The following CNP variants were observed in gnomAD, a reference collection of about 807,000 sequenced individuals.
CNP encodes the protein 2',3'-cyclic nucleotide 3' phosphodiesterase.
CNP carries 8 observed loss-of-function variants against 37.9 expected under a neutral mutation model. The observed-to-expected ratio is 0.21, with a 90% CI of 0.12 to 0.38. CNP has a LOEUF of 0.38. Ranked by LOEUF, CNP falls within the 10% of genes least tolerant of loss-of-function variation. The probability of loss-of-function intolerance (pLI) is 1.00; values close to 1 mark genes in which losing one functional copy is unlikely to be tolerated. For missense variants in CNP, 457 were observed against 551.0 expected (o/e 0.83, Z 1.71); for synonymous variants, 237 against 238.3 (o/e 0.99, Z 0.05).
At position 41,977,078 on chromosome 17, in the gene CNP, A is replaced by G; in HGVS notation, c.*3154A>G. ...TGCGGTGGCTAAAGGTCCCAAGGCA[A>G]GGGGTGCCTGGGAACCTTCCTGTCT... On this transcript the variant is annotated 3_prime_UTR_variant, in exon 4 of 4. Transcript: ENST00000393892. 1 of 695,892 alleles carries G rather than the reference A, an allele frequency of 1.4e-6. No individual in the cohort carries two copies. Among genetic ancestry groups the G allele is most frequent in the South Asian group, 1.9e-5 (1 of 51,724 alleles). The allele number at this position is 695,892 out of a possible 1,614,324, so 43.1% of individuals were successfully genotyped here. A position where few individuals can be genotyped will look rare whatever the true frequency, so the allele number is the denominator to read the frequency against.
chr17:41,973,352 C>T (rs2051019186), intron 3 of CNP, 123 bp from the exon 4 acceptor site: 3 of 918,002 alleles, frequency 3.3e-6, no homozygotes, highest in African/African-American at 3.3e-5. Context: ...CCGACCCCTG[C>T]TCAGCTGTGC....
At chr17:41,972,339 T>C (rs2051002372) in intron 3 of CNP, among the ~76,000 whole-genome samples, 1 of 152,032 alleles carries the variant, frequency 6.6e-6, no homozygotes, top group Non-Finnish European at 1.5e-5. Context: ...CTGGTCTCTC[T>C]GAGCCTGTTT....
Position 41,975,710 on chromosome 17 carries a change from G to T in CNP, c.*1786G>T, listed in dbSNP as rs2051066147. The stretch of plus-strand genomic sequence containing the variant: ...CCAGCCGGGGAAGACTTGAAAGAAA[G>T]GGGCAGGAGCTCAGATGAAGAGAAA... On this transcript the variant is annotated 3_prime_UTR_variant, in exon 4 of 4. Coordinates refer to ENST00000393892, the MANE Select transcript of CNP (RefSeq NM_033133.5). 1 of 152,242 alleles carries T rather than the reference G, an allele frequency of 6.6e-6. No individual in the cohort carries two copies. The highest frequency in any genetic ancestry group is 2.4e-5 in the African/African-American group (1 of 41,454). The allele number at this position is 152,242 out of a possible 1,614,324, so 9.4% of individuals were successfully genotyped here.
chr17:41,967,840 C>A, intron 1 of CNP: 2 of 1,383,356 alleles, frequency 1.4e-6, no homozygotes, highest in South Asian at 1.7e-5. Context: ...GTTTACCTTT[C>A]CGAAGTGGCA....
In CNP at chr17:41,975,355, A is replaced by C. The variant is rs1453580659; in HGVS notation, c.*1431A>C. 6.5e-6 allele frequency: 1 copy of C among 152,720 alleles called. No individual in the cohort carries two copies. Among genetic ancestry groups the C allele is most frequent in the African/African-American group, 2.4e-5 (1 of 41,442 alleles). 9.5% of individuals were successfully genotyped at this position (152,720 alleles called of 1,614,324 possible). A position where few individuals can be genotyped will look rare whatever the true frequency, so the allele number is the denominator to read the frequency against. The stretch of plus-strand genomic sequence containing the variant: ...TGTTGGCTTTCATGAGGAGGCAGAA[A>C]GCAGAGGCTGGCCTCAGACTCATAC... On this transcript the variant is annotated 3_prime_UTR_variant, in exon 4 of 4. Transcript: ENST00000393892.
chr17:41,972,128 C>T (rs2050999389), intron 3 of CNP, 97 bp downstream of exon 3: 1 of 1,456,580 alleles, frequency 6.9e-7, no homozygotes, highest in Non-Finnish European at 9.4e-7. Flanking sequence ...AGGCAGGGAC[C>T]AAAAACCAGA....
chr17:41,972,604 C>G (rs1355893625), intron 3 of CNP, among the ~76,000 whole-genome samples: 4 of 152,182 alleles, frequency 2.6e-5, no homozygotes, highest in Non-Finnish European at 5.9e-5. Flanking sequence ...CAAGTGTCCA[C>G]CCCCAAGCCC....
At chr17:41,971,821 G>C in intron 2 of CNP, 71 bp from the exon 3 acceptor site, 4 of 1,593,848 alleles carry the variant, frequency 2.5e-6, no homozygotes, top group Non-Finnish European at 3.4e-6. Flanking sequence ...GCTGGGCCTC[G>C]GTGGTCCTGG....
chr17:41,969,588 C>T (rs1350426621), intron 2 of CNP, among the ~76,000 whole-genome samples: 1 of 152,190 alleles, frequency 6.6e-6, no homozygotes, highest in African/African-American at 2.4e-5. Context: ...CGGAGTCTCC[C>T]TCTGTTGCCC....
Position 41,976,832 on chromosome 17 carries a change from C to G in CNP, c.*2908C>G, listed in dbSNP as rs1226108816. 22 of 1,583,292 alleles carry G rather than the reference C, an allele frequency of 1.4e-5. No individual in the cohort carries two copies. The African/African-American group carries it at 1.9e-4, about 14-fold the overall frequency. On this transcript the variant is annotated 3_prime_UTR_variant, in exon 4 of 4. Coordinates refer to ENST00000393892, the MANE Select transcript of CNP (RefSeq NM_033133.5). ...ATTTTCTAAGGAAGATCACTTTGCT[C>G]TGATTATGGAAAAGTCTTCAAGGGC...
chr17:41,974,000 T>G lies in CNP; in HGVS notation c.*76T>G. 6 of 1,185,026 alleles carry G rather than the reference T, an allele frequency of 5.1e-6. No individual in the cohort carries two copies. The highest frequency in any genetic ancestry group is 5.5e-6 in the Non-Finnish European group (5 of 916,412). The allele number at this position is 1,185,026 out of a possible 1,614,324, so 73.4% of individuals were successfully genotyped here. A position where few individuals can be genotyped will look rare whatever the true frequency, so the allele number is the denominator to read the frequency against. ...TGCCCTCTGTTTGATCCTTGTTTTGTGACATTTTTTTTTTTTTTTTTTTTA... is the reference window on the plus strand; with the variant it reads ...TGCCCTCTGTTTGATCCTTGTTTTGGGACATTTTTTTTTTTTTTTTTTTTA... On this transcript the variant is annotated 3_prime_UTR_variant, in exon 4 of 4. Transcript: ENST00000393892.
At chr17:41,967,226 C>T (rs1555643062) in intron 1 of CNP, 1 of 248,812 alleles carries the variant, frequency 4.0e-6, no homozygotes, top group Admixed American at 5.5e-5. Flanking sequence ...CTTCGGCGCC[C>T]CCTCCCCGGG....
In CNP at chr17:41,973,704, T is replaced by C; in HGVS notation, c.1046T>C (p.Leu349Ser). The change falls in exon 4 of 4, where the codon TTA (leucine) becomes TCA (serine). Residue 349 changes from leucine (L) to serine (S), a missense_variant. Leu to Ser is a moderately radical substitution (Grantham distance 145, BLOSUM62 -2). This residue lies in a region of CNP where 291 missense variants were observed against 291.7 expected (regional missense o/e 1.00). Coordinates refer to ENST00000393892, the MANE Select transcript of CNP (RefSeq NM_033133.5). Reference sequence around the variant, plus strand: ...GCCGTGCAGACGGGCCTTGACCTCTTAGAGATTCTGCGGCAGGAGAAGGGG... The same window carrying C: ...GCCGTGCAGACGGGCCTTGACCTCTCAGAGATTCTGCGGCAGGAGAAGGGG... ...VEAVQTGLDL[L>S]EILRQEKGGS... 1 of 1,612,470 alleles carries C rather than the reference T, an allele frequency of 6.2e-7. No individual in the cohort carries two copies. Among genetic ancestry groups the C allele is most frequent in the African/African-American group, 1.3e-5 (1 of 75,012 alleles).
intron 2 of CNP, 172 bp from the exon 3 acceptor site, chr17:41,971,720 C>A: frequency 1.3e-6 from 1 of 793,104 alleles, no homozygotes; most frequent in Non-Finnish European, 2.0e-6. Context: ...CTTTTTATTG[C>A]TCTAAAGTTG....
In CNP at chr17:41,968,070, CA is replaced by C. The variant is rs782242256; in HGVS notation, c.7del (p.Arg3GlufsTer45). 1 of 1,611,282 alleles carries C rather than the reference CA, an allele frequency of 6.2e-7. No individual in the cohort carries two copies. ...CATCTCTTCCCCTCCTTACACAGAACAGAGGCTTCTCCCGAAAAAGCCACAC... is the reference window on the plus strand; with the variant it reads ...CATCTCTTCCCCTCCTTACACAGAACGAGGCTTCTCCCGAAAAAGCCACAC... MN[R>X]GFSRKSHTFL... is the part of the protein sequence containing the mutation. On this transcript the variant is annotated frameshift_variant, in exon 2 of 4. Coordinates refer to ENST00000393892, the MANE Select transcript of CNP (RefSeq NM_033133.5). LOFTEE classifies it high-confidence loss of function. This position sits in a 1 kb window ranked among gnomAD's most constrained non-coding sequence, Gnocchi z 4.8.
Position 41,971,984 on chromosome 17 carries a change from T to G in CNP, c.769T>G (p.Cys257Gly). The G allele has an allele frequency of 6.2e-7, 1 of 1,613,768 alleles. No homozygotes were observed. The highest frequency in any genetic ancestry group is 8.5e-7 in the Non-Finnish European group (1 of 1,179,938). The change falls in exon 3 of 4, where the codon TGT becomes GGT. Residue 257 changes from cysteine to glycine, a missense_variant. Physicochemically the swap from Cys to Gly is radical, Grantham distance 159. Transcript: ENST00000393892. ...CGTGCTGCATTGCACAACCAAGTTT[T>G]GTGACTACGGGAAGGCTCCCGGGGC... The part of the protein sequence containing the change: ...PGVLHCTTKF[C>G]DYGKAPGAEE...
rs34645700 is a variant in CNP at position 41,974,004 on chromosome 17, A to ATTT, written c.*98_*100dup. 108 of 838,308 alleles carry ATTT rather than the reference A, an allele frequency of 1.3e-4. No homozygotes were observed. Among genetic ancestry groups the ATTT allele is most frequent in the Non-Finnish European group, 1.5e-4 (95 of 629,990 alleles). 51.9% of individuals were successfully genotyped at this position (838,308 alleles called of 1,614,324 possible). A position where few individuals can be genotyped will look rare whatever the true frequency, so the allele number is the denominator to read the frequency against. ...CTCTGTTTGATCCTTGTTTTGTGAC[A>ATTT]TTTTTTTTTTTTTTTTTTTTACTCA... is the stretch of plus-strand genomic sequence containing the variant. On this transcript the variant is annotated 3_prime_UTR_variant, in exon 4 of 4. Coordinates refer to ENST00000393892, the MANE Select transcript of CNP (RefSeq NM_033133.5).
At chr17:41,972,180 CT>C (rs1475187194) in intron 3 of CNP, 149 bp downstream of exon 3, 5 of 975,534 alleles carry the variant, frequency 5.1e-6, no homozygotes, top group Admixed American at 4.7e-5. Flanking sequence ...CCTAGCTCCC[CT>C]GTCCCCAGGC....
In CNP at chr17:41,968,719, T is replaced by C; in HGVS notation, c.655T>C (p.Phe219Leu). 4 of 1,611,004 alleles carry C rather than the reference T, an allele frequency of 2.5e-6. No individual in the cohort carries two copies. The highest frequency in any genetic ancestry group is 3.4e-6 in the Non-Finnish European group (4 of 1,177,956). ...FLEELGNHKAFKKELRQFVPG... is the reference protein window; with the variant it reads ...FLEELGNHKALKKELRQFVPG... ...GGAAGAGCTGGGGAACCACAAGGCC[T>C]TCAAGAAGGAGCTGCGACAATGTAG... The change falls in exon 2 of 4, where the codon TTC (phenylalanine) becomes CTC (leucine). Residue 219 changes from phenylalanine to leucine, a missense_variant. By Grantham distance (22) the Phe-to-Leu change is conservative. Coordinates refer to ENST00000393892, the MANE Select transcript of CNP (RefSeq NM_033133.5). The surrounding 1 kb of genome is among the most constrained non-coding windows in gnomAD (Gnocchi z 4.8).
Sources: gnomAD v4.1 joint callset for allele counts (sites outside exome capture counted in the v4.1 genomes callset) on GRCh38, gnomAD v4.1.1 for gene constraint, gnomAD v4.1.1 regional missense constraint, Gnocchi (gnomAD v3.1) non-coding constraint, MANE v1.5 for transcripts, NCBI Gene and HGNC (gene_info 2026-07-23, HGNC 2026-07-21) for gene names.